Variants in PCDHGA10 observed in about 807,000 individuals in gnomAD.
PCDHGA10 encodes protocadherin gamma-A10.
In PCDHGA10, 42 loss-of-function variants were observed where a neutral mutation model predicts 59.5. The ratio of observed to expected loss-of-function variants is 0.71; its 90% CI spans 0.55 to 0.91. PCDHGA10 has a LOEUF of 0.91. Ranked by LOEUF, PCDHGA10 falls within the 40% of genes least tolerant of loss-of-function variation. PCDHGA10 has a pLI of 0.00. For synonymous variants in PCDHGA10, 511 were observed against 517.2 expected (o/e 0.99, Z 0.16); for missense variants, 1,111 against 1,198.2 (o/e 0.93, Z 1.07).
At chr5:141,436,256 C>T (rs953463822) in intron 1 of PCDHGA10, among the ~76,000 whole-genome samples, 1 of 152,100 alleles carries the variant, frequency 6.6e-6, no homozygotes, top group South Asian at 2.1e-4. Context: ...TTATTCTGAC[C>T]TCTGCTCACC....
Position 141,431,668 on chromosome 5 carries a change from A to C in PCDHGA10, c.2436+16057A>C. ...ATTGTAATTCAGGGACAATATCAAC[A>C]ATAGGGGAGTTGGACCACGAGGAGT... is the stretch of plus-strand genomic sequence containing the variant. On this transcript the variant is annotated intron_variant, in intron 1 of 3. Coordinates refer to ENST00000398610, the MANE Select transcript of PCDHGA10 (RefSeq NM_018913.3). This position sits in a 1 kb window ranked among gnomAD's most constrained non-coding sequence, Gnocchi z 4.8. The C allele has an allele frequency of 6.2e-7, 1 of 1,614,208 alleles. No individual in the cohort carries two copies. Among genetic ancestry groups the C allele is most frequent in the Non-Finnish European group, 8.5e-7 (1 of 1,180,036 alleles).
rs371130763 is a variant in PCDHGA10 at position 141,432,970 on chromosome 5, G to A, written c.2436+17359G>A. The A allele has an allele frequency of 5.0e-6, 8 of 1,613,996 alleles. No homozygotes were observed. Among genetic ancestry groups the A allele is most frequent in the East Asian group, 4.5e-5 (2 of 44,868 alleles). ...GAGGCGGCTTGACAGGAGCGCCGGC[G>A]TCGCACTTTGTGGGCGTGGACGGGG... On this transcript the variant is annotated intron_variant, in intron 1 of 3. Transcript: ENST00000398610. The surrounding 1 kb of genome is among the most constrained non-coding windows in gnomAD (Gnocchi z 6.0).
intron 3 of PCDHGA10, among the ~76,000 whole-genome samples, chr5:141,507,898 C>T (rs577177417): frequency 1.3e-5 from 2 of 152,310 alleles, no homozygotes; most frequent in East Asian, 1.9e-4. Flanking sequence ...TTCCTGAAGT[C>T]CAGCCCAGCC....
At chr5:141,446,312 T>C (rs2098498076) in intron 1 of PCDHGA10, among the ~76,000 whole-genome samples, 1 of 152,208 alleles carries the variant, frequency 6.6e-6, no homozygotes, top group African/African-American at 2.4e-5. Flanking sequence ...GAGTGATTCC[T>C]GGGTTTCCAC....
At chr5:141,478,740 C>T (rs2099474176) in intron 1 of PCDHGA10, 7 of 1,531,524 alleles carry the variant, frequency 4.6e-6, no homozygotes, top group Non-Finnish European at 6.2e-6. Flanking sequence ...GGTTTGTGGT[C>T]CCATTTCAGG....
At position 141,487,447 on chromosome 5, in the gene PCDHGA10, C is replaced by A. The variant is rs758411138; in HGVS notation, c.2437-7360C>A. 4.3e-6 allele frequency: 7 copies of A among 1,614,182 alleles called. No homozygotes were observed. The highest frequency in any genetic ancestry group is 5.9e-6 in the Non-Finnish European group (7 of 1,180,028). Reference sequence around the variant, plus strand: ...TCCGAATCCAGCTAGGGTCAGATGACCCTATCAAGTTTGTTGATGTGGGAG... The same window carrying A: ...TCCGAATCCAGCTAGGGTCAGATGAACCTATCAAGTTTGTTGATGTGGGAG... On this transcript the variant is annotated intron_variant, in intron 1 of 3. Coordinates refer to ENST00000398610, the MANE Select transcript of PCDHGA10 (RefSeq NM_018913.3). The surrounding 1 kb of genome is among the most constrained non-coding windows in gnomAD (Gnocchi z 5.0).
At chr5:141,478,045 T>C in intron 1 of PCDHGA10, 3 of 1,614,144 alleles carry the variant, frequency 1.9e-6, no homozygotes, top group East Asian at 2.2e-5. Flanking sequence ...CCAGGCAGAC[T>C]CTCACGGTCT....
chr5:141,428,063 C>T lies in PCDHGA10; in HGVS notation c.2436+12452C>T, dbSNP rs777477669. 12 of 1,609,054 alleles carry T rather than the reference C, an allele frequency of 7.5e-6. No individual in the cohort carries two copies. In the African/African-American group the frequency reaches 1.3e-4, roughly 18 times the overall value. ...TGGTGACCAAGGTGGTGGCGGTGGA[C>T]GCAGATTCGGGACACAACGCTTGGC... On this transcript the variant is annotated intron_variant, in intron 1 of 3. Coordinates refer to ENST00000398610, the MANE Select transcript of PCDHGA10 (RefSeq NM_018913.3).
chr5:141,413,227 G>A lies in PCDHGA10; in HGVS notation c.52G>A (p.Val18Ile), dbSNP rs552225139. 1.9e-5 allele frequency: 30 copies of A among 1,613,938 alleles called. No homozygotes were observed. The highest frequency in any genetic ancestry group is 2.5e-5 in the Non-Finnish European group (30 of 1,179,880). Residue 18 changes from valine to isoleucine, a missense_variant, in exon 1 of 4, where the codon GTC becomes ATC. Val to Ile is a conservative substitution (Grantham distance 29). Coordinates refer to ENST00000398610, the MANE Select transcript of PCDHGA10 (RefSeq NM_018913.3). ...SKESKDCSGL[V>I]LLCLFFGIPW... ...GGAATCAAAGGATTGCAGCGGGCTG[G>A]TCCTGCTCTGCCTTTTCTTCGGGAT...
intron 1 of PCDHGA10, among the ~76,000 whole-genome samples, chr5:141,457,912 C>T (rs991917175): frequency 1.3e-5 from 2 of 152,120 alleles, no homozygotes; most frequent in African/African-American, 4.8e-5. Context: ...GGTGTGAGGC[C>T]AGTTCTCCCC....
At chr5:141,417,556 A>C (rs1240389709) in intron 1 of PCDHGA10, 1 of 333,096 alleles carries the variant, frequency 3.0e-6, no homozygotes, top group Non-Finnish European at 5.4e-6. Context: ...TGAAAGAGGT[A>C]GAGAAAAGTC....
chr5:141,447,742 T>G (rs1440015460), intron 1 of PCDHGA10, among the ~76,000 whole-genome samples: 3 of 152,056 alleles, frequency 2.0e-5, no homozygotes, highest in Non-Finnish European at 4.4e-5. Flanking sequence ...AACTTAAGAG[T>G]CTTGCATGTG....
chr5:141,423,531 C>T, intron 1 of PCDHGA10: 1 of 1,613,736 alleles, frequency 6.2e-7, no homozygotes, highest in South Asian at 1.1e-5. Context: ...AGAAGAGTCA[C>T]CTGATTTTCC....
In PCDHGA10 at chr5:141,423,466, G is replaced by T. The variant is rs770939556; in HGVS notation, c.2436+7855G>T. On this transcript the variant is annotated intron_variant, in intron 1 of 3. Coordinates refer to ENST00000398610, the MANE Select transcript of PCDHGA10 (RefSeq NM_018913.3). Reference sequence around the variant, plus strand: ...GTCACATTTTGTAGGCGTGGACGGGGTACAGGCTTTCCTGCAAACCTATTC... The same window carrying T: ...GTCACATTTTGTAGGCGTGGACGGGTTACAGGCTTTCCTGCAAACCTATTC... 6 of 1,614,022 alleles carry T rather than the reference G, an allele frequency of 3.7e-6. No homozygotes were observed. In the Admixed American group the frequency reaches 5.0e-5, roughly 13 times the overall value.
At position 141,413,783 on chromosome 5, in the gene PCDHGA10, C is replaced by T. The variant is rs1418394305; in HGVS notation, c.608C>T (p.Ser203Phe). 3.7e-6 allele frequency: 6 copies of T among 1,613,096 alleles called. No individual in the cohort carries two copies. Among genetic ancestry groups the T allele is most frequent in the Non-Finnish European group, 4.2e-6 (5 of 1,179,878 alleles). Residue 203 changes from serine (S) to phenylalanine (F), a missense_variant, in exon 1 of 4, where the codon TCC becomes TTC. Coordinates refer to ENST00000398610, the MANE Select transcript of PCDHGA10 (RefSeq NM_018913.3). ...VKYPELVLEH[S>F]LDREEEAIHH... ...TACCCGGAGCTGGTACTGGAGCACT[C>T]CCTAGATCGCGAGGAAGAGGCCATT...
intron 1 of PCDHGA10, chr5:141,423,565 C>G: frequency 1.2e-6 from 2 of 1,613,594 alleles, no homozygotes; most frequent in Non-Finnish European, 1.7e-6. Context: ...TGGGGACACG[C>G]TCATCAGCCA....
chr5:141,494,781 C>T, intron 1 of PCDHGA10, 26 bp from the exon 2 acceptor site: 1 of 1,614,074 alleles, frequency 6.2e-7, no homozygotes, highest in African/African-American at 1.3e-5. Flanking sequence ...GGGTACTCAG[C>T]CCCTTTCCCT....
rs189767695 is a variant in PCDHGA10, at chr5:141,497,247, T to C, written c.2495+2382T>C. Among the ~76,000 whole-genome samples the C allele has an allele frequency of 2.0e-5, 3 of 151,456 alleles. No individual in the cohort carries two copies. The East Asian group carries it at 5.8e-4, about 29-fold the overall frequency. ...ATCAGAGAAGGCTTCTAGGAGGAGGTGACATTGAGAAGTTCTAGGCCATTT... is the reference window on the plus strand; with the variant it reads ...ATCAGAGAAGGCTTCTAGGAGGAGGCGACATTGAGAAGTTCTAGGCCATTT... On this transcript the variant is annotated intron_variant, in intron 2 of 3. Transcript: ENST00000398610.
chr5:141,423,806 T>C (rs2096783171), intron 1 of PCDHGA10: 1 of 1,251,576 alleles, frequency 8.0e-7, no homozygotes, highest in Non-Finnish European at 1.0e-6. Flanking sequence ...GCAATACATG[T>C]GAGTTTTACT....
Sources: gnomAD v4.1 joint callset for allele counts (sites outside exome capture counted in the v4.1 genomes callset) on GRCh38, gnomAD v4.1.1 for gene constraint, Gnocchi (gnomAD v3.1) non-coding constraint, MANE v1.5 for transcripts, NCBI Gene and HGNC (gene_info 2026-07-23, HGNC 2026-07-21) for gene names.